The following PTPRD variants were observed in gnomAD, a reference collection of about 807,000 sequenced individuals.
The protein encoded by PTPRD is receptor-type tyrosine-protein phosphatase delta.
Under a neutral mutation model 214.5 loss-of-function variants are expected in PTPRD, and 34 were observed. That is an observed-to-expected ratio of 0.16 (90% CI 0.12 to 0.21). The LOEUF (loss-of-function observed/expected upper bound fraction) is 0.21. Ranked by LOEUF, PTPRD falls within the 10% of genes least tolerant of loss-of-function variation. The pLI is 1.00. For synonymous variants in PTPRD, 1,128 were observed against 845.7 expected, an observed-to-expected ratio of 1.33 and a Z score of -5.79; for missense variants, 2,545 against 2,398.7, an observed-to-expected ratio of 1.06 and a Z score of -1.27.
intron 8 of PTPRD, among the ~76,000 whole-genome samples, chr9:9,489,179 C>T (rs12349549): frequency 0.2 from 31,052 of 151,960 alleles, 3,313 homozygotes; most frequent in Non-Finnish European, 0.24. Flanking sequence ...ATGACATAGG[C>T]GCAGAAAAAA....
intron 9 of PTPRD, among the ~76,000 whole-genome samples, chr9:9,290,768 G>A (rs1950904256): frequency 6.6e-6 from 1 of 151,482 alleles, no homozygotes; most frequent in African/African-American, 2.4e-5. Context: ...ATAAACATGG[G>A]AGATTCATTT....
intron 12 of PTPRD, among the ~76,000 whole-genome samples, chr9:8,649,176 T>G (rs1262684002): frequency 6.6e-6 from 1 of 152,248 alleles, no homozygotes; most frequent in East Asian, 1.9e-4. Flanking sequence ...ATCAACTACA[T>G]GAATTTTTAA....
intron 11 of PTPRD, among the ~76,000 whole-genome samples, chr9:8,983,046 A>G (rs1589279600): frequency 1.3e-5 from 2 of 152,168 alleles, no homozygotes; most frequent in South Asian, 2.1e-4. Flanking sequence ...TGTACTGTGG[A>G]AAAAAATCTA....
At chr9:8,968,978 G>C (rs1180630806) in intron 11 of PTPRD, among the ~76,000 whole-genome samples, 2 of 151,920 alleles carry the variant, frequency 1.3e-5, no homozygotes, top group African/African-American at 4.8e-5. Flanking sequence ...ACTGACAAGA[G>C]ATTTATAATT....
chr9:9,581,503 T>G (rs1187087689), intron 7 of PTPRD, among the ~76,000 whole-genome samples: 1 of 152,158 alleles, frequency 6.6e-6, no homozygotes, highest in Admixed American at 6.5e-5. Context: ...ATTCCTATTA[T>G]AATTGTAGGC....
At chr9:9,814,650 T>G (rs151063410) in intron 5 of PTPRD, among the ~76,000 whole-genome samples, 1 of 152,014 alleles carries the variant, frequency 6.6e-6, no homozygotes, top group Non-Finnish European at 1.5e-5. Flanking sequence ...CACAAGTAAA[T>G]AAAATGTTCA....
chr9:9,077,722 A>G (rs1380046904), intron 10 of PTPRD, among the ~76,000 whole-genome samples: 1 of 152,022 alleles, frequency 6.6e-6, no homozygotes, highest in Non-Finnish European at 1.5e-5. Context: ...GTCACATATG[A>G]TGGTCCACAG....
At chr9:9,275,111 TA>T (rs1944709241) in intron 9 of PTPRD, among the ~76,000 whole-genome samples, 1 of 51,550 alleles carries the variant, frequency 1.9e-5, no homozygotes, top group African/African-American at 8.1e-5. Context: ...TAATATATTA[TA>T]TATATATTAT....
At chr9:10,477,574 G>C (rs1420482245) in intron 2 of PTPRD, among the ~76,000 whole-genome samples, 1 of 152,098 alleles carries the variant, frequency 6.6e-6, no homozygotes, top group Non-Finnish European at 1.5e-5. Context: ...ACAGTGTGGT[G>C]ATTCTTCAAG....
intron 7 of PTPRD, among the ~76,000 whole-genome samples, chr9:9,654,444 A>T (rs985231165): frequency 1.3e-5 from 2 of 152,150 alleles, no homozygotes; most frequent in East Asian, 3.9e-4. Flanking sequence ...GTGTGTGCAC[A>T]TGTATACACA....
intron 2 of PTPRD, among the ~76,000 whole-genome samples, chr9:10,588,013 A>G (rs1206071939): frequency 4.6e-5 from 7 of 152,092 alleles, no homozygotes; most frequent in African/African-American, 1.7e-4. Flanking sequence ...TAATTCCAGT[A>G]CCAAGTAGCT....
chr9:9,344,085 A>G (rs2047877636), intron 9 of PTPRD, among the ~76,000 whole-genome samples: 1 of 152,172 alleles, frequency 6.6e-6, no homozygotes, highest in Non-Finnish European at 1.5e-5. Context: ...ACACAAATAC[A>G]TTAACTCCAA....
intron 39 of PTPRD, among the ~76,000 whole-genome samples, chr9:8,348,339 G>C (rs554646471): frequency 6.6e-6 from 1 of 152,214 alleles, no homozygotes; most frequent in South Asian, 2.1e-4. Flanking sequence ...CTTTATATAA[G>C]ATATGCATGG....
intron 9 of PTPRD, among the ~76,000 whole-genome samples, chr9:9,318,076 C>T (rs542292703): frequency 7.2e-4 from 109 of 152,138 alleles, no homozygotes; most frequent in African/African-American, 2.5e-3. Context: ...GAAGCTGAGG[C>T]AGAAGAATCA....
intron 27 of PTPRD, among the ~76,000 whole-genome samples, chr9:8,490,605 A>C (rs561099604): frequency 6.6e-6 from 1 of 152,332 alleles, no homozygotes; most frequent in Non-Finnish European, 1.5e-5. Flanking sequence ...CTTTAACCTC[A>C]AGAACTCAGA....
chr9:9,953,493 G>GACAC (rs59836734), intron 4 of PTPRD, among the ~76,000 whole-genome samples: 2,756 of 145,292 alleles, frequency 0.019, 32 homozygotes, highest in Middle Eastern at 0.032. Flanking sequence ...GGGAATTGTG[G>GACAC]ACACACACAC....
At chr9:8,852,920 A>G (rs2097847298) in intron 11 of PTPRD, among the ~76,000 whole-genome samples, 1 of 152,218 alleles carries the variant, frequency 6.6e-6, no homozygotes, top group Non-Finnish European at 1.5e-5. Flanking sequence ...GGAGGGAGGC[A>G]CTGCAGGCAT....
At chr9:9,504,835 A>C (rs1449689534) in intron 8 of PTPRD, among the ~76,000 whole-genome samples, 3 of 151,758 alleles carry the variant, frequency 2.0e-5, no homozygotes, top group Non-Finnish European at 4.4e-5. Context: ...TGCAAAAATC[A>C]GTTATATTTC....
At chr9:9,884,478 AC>A (rs1200273432) in intron 5 of PTPRD, among the ~76,000 whole-genome samples, 1 of 152,102 alleles carries the variant, frequency 6.6e-6, no homozygotes, top group Admixed American at 6.6e-5. Flanking sequence ...ATTTACCACC[AC>A]CAAACTAAAG....
Sources: allele counts gnomAD v4.1 joint callset (sites outside exome capture counted in the v4.1 genomes callset), GRCh38; gene constraint gnomAD v4.1.1; transcripts MANE v1.5; gene names NCBI Gene and HGNC (gene_info 2026-07-23, HGNC 2026-07-21).